Variants in SH3GL2 observed in about 807,000 individuals in gnomAD.
SH3GL2 encodes SH3 domain containing GRB2 like 2, endophilin A1, also known as endophilin-A1.
SH3GL2 carries 24 observed loss-of-function variants against 46.0 expected under a neutral mutation model. That is an observed-to-expected ratio of 0.52 (90% CI 0.38 to 0.73). SH3GL2 has a LOEUF of 0.73. Ranked by LOEUF, SH3GL2 falls within the 30% of genes least tolerant of loss-of-function variation. SH3GL2 has a pLI of 0.00. For synonymous variants in SH3GL2, 196 were observed against 147.1 expected, an observed-to-expected ratio of 1.33 and a Z score of -2.40; for missense variants, 413 against 424.2, an observed-to-expected ratio of 0.97 and a Z score of 0.23.
intron 3 of SH3GL2, among the ~76,000 whole-genome samples, chr9:17,780,584 C>T (rs1406123457): frequency 1.4e-4 from 18 of 132,094 alleles, no homozygotes; most frequent in Non-Finnish European, 1.6e-5. Flanking sequence ...CACCCACTAA[C>T]GTGTCATCTA....
chr9:17,634,055 T>C (rs1466105046), intron 1 of SH3GL2, among the ~76,000 whole-genome samples: 1 of 152,192 alleles, frequency 6.6e-6, no homozygotes, highest in Non-Finnish European at 1.5e-5. Context: ...AAGTAAAGAA[T>C]GCTGGTTCTG....
At chr9:17,781,820 C>G (rs2224955) in intron 3 of SH3GL2, among the ~76,000 whole-genome samples, 71,382 of 151,850 alleles carry the variant, frequency 0.47, 17,387 homozygotes, top group East Asian at 0.82. Context: ...AAGCCCAGCT[C>G]GAGCATCATC....
chr9:17,712,126 T>G (rs1253517738), intron 1 of SH3GL2, among the ~76,000 whole-genome samples: 1 of 151,860 alleles, frequency 6.6e-6, no homozygotes, highest in Non-Finnish European at 1.5e-5. Context: ...ATGATGTATC[T>G]GTTCAAATCT....
At chr9:17,789,663 A>G (rs1004393266) in intron 6 of SH3GL2, 113 bp downstream of exon 6, 1 of 1,489,920 alleles carries the variant, frequency 6.7e-7, no homozygotes, top group Non-Finnish European at 9.0e-7. Context: ...TGTGATAAGA[A>G]CTTCAGTAGA....
chr9:17,669,056 C>A (rs1009505889), intron 1 of SH3GL2, among the ~76,000 whole-genome samples: 4 of 152,142 alleles, frequency 2.6e-5, no homozygotes, highest in African/African-American at 7.2e-5. Context: ...TTTTGGACTT[C>A]AAAGTCCGTT....
chr9:17,784,711 T>C (rs1355287920), intron 3 of SH3GL2, among the ~76,000 whole-genome samples: 1 of 152,188 alleles, frequency 6.6e-6, no homozygotes, highest in Non-Finnish European at 1.5e-5. Context: ...AAAATGATTC[T>C]GTGGCATTTT....
At chr9:17,775,292 G>T (rs930674839) in intron 3 of SH3GL2, among the ~76,000 whole-genome samples, 2 of 152,036 alleles carry the variant, frequency 1.3e-5, no homozygotes, top group South Asian at 2.1e-4. Context: ...TGATGAAGGG[G>T]CAAGTGTATT....
intron 1 of SH3GL2, among the ~76,000 whole-genome samples, chr9:17,687,122 A>G (rs1820935692): frequency 6.6e-6 from 1 of 152,134 alleles, no homozygotes; most frequent in Non-Finnish European, 1.5e-5. Flanking sequence ...CTAGCATTAA[A>G]AAATTCTAAG....
chr9:17,744,670 G>A (rs571078863), intron 1 of SH3GL2, among the ~76,000 whole-genome samples: 88 of 152,132 alleles, frequency 5.8e-4, no homozygotes, highest in Non-Finnish European at 1.2e-3. Context: ...GCCTGGCCTA[G>A]TAGGTTCTTA....
At chr9:17,735,289 G>C (rs1449939119) in intron 1 of SH3GL2, among the ~76,000 whole-genome samples, 3 of 152,094 alleles carry the variant, frequency 2.0e-5, no homozygotes, top group Admixed American at 2.0e-4. Flanking sequence ...TTAGTGCCAG[G>C]TTGGAATCCT....
chr9:17,657,332 A>T (rs1053359054), intron 1 of SH3GL2, among the ~76,000 whole-genome samples: 1 of 152,110 alleles, frequency 6.6e-6, no homozygotes, highest in African/African-American at 2.4e-5. Context: ...CCTGTTGTAA[A>T]ATCTGGAGCA....
rs1203824934 is a variant in SH3GL2, at chr9:17,795,885, C to T, written c.*142C>T. On this transcript the variant is annotated 3_prime_UTR_variant, in exon 9 of 9. Coordinates refer to ENST00000380607, the MANE Select transcript of SH3GL2 (RefSeq NM_003026.5). ...AGCCCCACCAAGTGACTTTGGTTGA[C>T]TTGTGGGCTCCCACAGGAGTCATGG... 2 of 655,458 alleles carry T rather than the reference C, an allele frequency of 3.1e-6. No homozygotes were observed. The highest frequency in any genetic ancestry group is 5.6e-5 in the Admixed American group (2 of 35,752). The allele number at this position is 655,458 out of a possible 1,614,324, so 40.6% of individuals were successfully genotyped here.
chr9:17,711,788 CAT>C (rs1294100789), intron 1 of SH3GL2, among the ~76,000 whole-genome samples: 2 of 151,720 alleles, frequency 1.3e-5, no homozygotes, highest in Non-Finnish European at 2.9e-5. Flanking sequence ...TTGTACAAGA[CAT>C]ATTCTTTTAA....
At chr9:17,708,649 C>T (rs889409102) in intron 1 of SH3GL2, among the ~76,000 whole-genome samples, 73 of 151,932 alleles carry the variant, frequency 4.8e-4, no homozygotes, top group Non-Finnish European at 9.7e-4. Flanking sequence ...AAGACCACTT[C>T]ATTTACCCTC....
chr9:17,762,798 A>G (rs1823215140), intron 3 of SH3GL2, among the ~76,000 whole-genome samples: 1 of 152,196 alleles, frequency 6.6e-6, no homozygotes, highest in East Asian at 1.9e-4. Flanking sequence ...ACTGTTTTTC[A>G]CAGAGATGCA....
intron 1 of SH3GL2, among the ~76,000 whole-genome samples, chr9:17,689,417 A>G (rs1260267233): frequency 6.6e-6 from 1 of 152,124 alleles, no homozygotes; most frequent in Non-Finnish European, 1.5e-5. Flanking sequence ...ATAATAATAT[A>G]TCAATATTGA....
intron 1 of SH3GL2, among the ~76,000 whole-genome samples, chr9:17,705,553 G>A (rs182140089): frequency 1.7e-3 from 260 of 151,984 alleles, no homozygotes; most frequent in African/African-American, 5.9e-3. Context: ...TTAAATTGAC[G>A]TAGATTCAAC....
At chr9:17,593,781 T>C (rs1018014062) in intron 1 of SH3GL2, among the ~76,000 whole-genome samples, 1 of 152,188 alleles carries the variant, frequency 6.6e-6, no homozygotes, top group Non-Finnish European at 1.5e-5. Flanking sequence ...AGAGAAGCTT[T>C]TGAAGTAATT....
intron 1 of SH3GL2, among the ~76,000 whole-genome samples, chr9:17,705,043 T>G (rs1273603391): frequency 6.9e-6 from 1 of 145,474 alleles, no homozygotes; most frequent in Non-Finnish European, 1.5e-5. Flanking sequence ...GAACTTAAAT[T>G]TACAAACAAA....
Sources: allele counts gnomAD v4.1 joint callset (sites outside exome capture counted in the v4.1 genomes callset), GRCh38; gene constraint gnomAD v4.1.1; transcripts MANE v1.5; gene names NCBI Gene and HGNC (gene_info 2026-07-23, HGNC 2026-07-21).